Variants in SLC4A4 observed in about 807,000 individuals in gnomAD.
SLC4A4 encodes solute carrier family 4 member 4, also known as electrogenic sodium bicarbonate cotransporter 1.
In SLC4A4, 27 loss-of-function variants were observed where a neutral mutation model predicts 111.5. The observed-to-expected ratio is 0.24, with a 90% CI of 0.18 to 0.33. SLC4A4 has a LOEUF of 0.33. Among genes scored for constraint, SLC4A4 ranks in the 10% least tolerant of loss-of-function variants. The pLI is 1.00. For missense variants in SLC4A4, 909 were observed against 1,315.5 expected (o/e 0.69, Z 4.78); for synonymous variants, 443 against 463.4 (o/e 0.96, Z 0.57).
chr4:71,356,066 C>T (rs1730262827), intron 5 of SLC4A4, among the ~76,000 whole-genome samples: 1 of 152,204 alleles, frequency 6.6e-6, no homozygotes. Flanking sequence ...AATGTTTTGT[C>T]CTCAGCCCCA....
intron 6 of SLC4A4, among the ~76,000 whole-genome samples, chr4:71,374,967 C>T (rs970857762): frequency 7.2e-5 from 11 of 152,110 alleles, no homozygotes; most frequent in Admixed American, 3.9e-4. Flanking sequence ...GGAACCTTAG[C>T]GTCAACTTTG....
At chr4:71,341,502 G>A (rs1175552029) in intron 4 of SLC4A4, among the ~76,000 whole-genome samples, 1 of 152,070 alleles carries the variant, frequency 6.6e-6, no homozygotes, top group African/African-American at 2.4e-5. Context: ...CTATAAAGGA[G>A]CAATAAGCCA....
chr4:71,513,082 CT>C (rs2149177993), intron 16 of SLC4A4, among the ~76,000 whole-genome samples: 1 of 152,182 alleles, frequency 6.6e-6, no homozygotes, highest in East Asian at 1.9e-4. Flanking sequence ...CAGCTTTGTT[CT>C]TTTTGCTGCT....
intron 16 of SLC4A4, among the ~76,000 whole-genome samples, chr4:71,512,666 G>C (rs942430074): frequency 6.6e-6 from 1 of 151,578 alleles, no homozygotes; most frequent in Non-Finnish European, 1.5e-5. Flanking sequence ...ATTTTTGTTT[G>C]GTTGCCAATG....
At chr4:71,085,630 C>T (rs1742141231) in intron 1 of SLC4A4, among the ~76,000 whole-genome samples, 1 of 151,994 alleles carries the variant, frequency 6.6e-6, no homozygotes, top group African/African-American at 2.4e-5. Flanking sequence ...ATATGGCTAG[C>T]CAGTTTTTCC....
At chr4:71,179,575 A>C (rs1199527496) in intron 2 of SLC4A4, among the ~76,000 whole-genome samples, 1 of 152,086 alleles carries the variant, frequency 6.6e-6, no homozygotes, top group African/African-American at 2.4e-5. Context: ...ACAGAGAGCC[A>C]AATCATGAGT....
chr4:71,403,042 C>A (rs1352282881), intron 7 of SLC4A4, among the ~76,000 whole-genome samples: 2 of 152,154 alleles, frequency 1.3e-5, no homozygotes, highest in African/African-American at 4.8e-5. Flanking sequence ...AGTTGCATCT[C>A]CGCATTTATT....
At chr4:71,417,184 A>T (rs1434550050) in intron 7 of SLC4A4, among the ~76,000 whole-genome samples, 1 of 152,218 alleles carries the variant, frequency 6.6e-6, no homozygotes, top group African/African-American at 2.4e-5. Flanking sequence ...TACTGAGGAA[A>T]CAAAGTTGAA....
intron 6 of SLC4A4, among the ~76,000 whole-genome samples, chr4:71,386,515 C>G (rs1481590614): frequency 6.6e-6 from 1 of 152,002 alleles, no homozygotes; most frequent in Non-Finnish European, 1.5e-5. Context: ...TGGCTCTTTG[C>G]CCCTTCTTCC....
At chr4:71,260,291 C>T (rs1721759832) in intron 3 of SLC4A4, among the ~76,000 whole-genome samples, 1 of 152,160 alleles carries the variant, frequency 6.6e-6, no homozygotes, top group Admixed American at 6.5e-5. Context: ...CACACCCCTC[C>T]CAACCTGACC....
intron 1 of SLC4A4, among the ~76,000 whole-genome samples, chr4:71,087,451 G>T (rs1270052777): frequency 2.0e-5 from 3 of 151,802 alleles, no homozygotes; most frequent in African/African-American, 4.9e-5. Flanking sequence ...TGCTAGCTTT[G>T]GAATGTGTTT....
intron 16 of SLC4A4, among the ~76,000 whole-genome samples, chr4:71,530,290 C>A (rs1422957863): frequency 2.6e-5 from 4 of 152,020 alleles, no homozygotes; most frequent in African/African-American, 9.7e-5. Context: ...TTATTATGTT[C>A]CAGGCAATAT....
intron 3 of SLC4A4, among the ~76,000 whole-genome samples, chr4:71,334,638 A>G (rs1028326895): frequency 3.9e-5 from 6 of 152,178 alleles, no homozygotes; most frequent in Admixed American, 3.9e-4. Flanking sequence ...TAATCCCCCA[A>G]AATTGATATA....
chr4:71,352,672 G>A (rs578039254), intron 5 of SLC4A4, among the ~76,000 whole-genome samples: 6 of 152,114 alleles, frequency 3.9e-5, no homozygotes, highest in African/African-American at 1.4e-4. Flanking sequence ...GACCTTTCAG[G>A]GTTGTTATGA....
At position 71,090,169 on chromosome 4, in the gene SLC4A4, C is replaced by T. The variant is rs138097360; in HGVS notation, c.-64-2561C>T. On this transcript the variant is annotated intron_variant, in intron 1 of 26. Transcript: ENST00000649996. ...ACTGCTGTGCTAGCAATGAGCGAGG[C>T]TCCGTGGGTGTAGGACCCTCTGGGC... 9.2e-3 allele frequency among the ~76,000 whole-genome samples: 1,391 copies of T among 151,776 alleles called. 40 individuals carry two copies. The highest frequency in any genetic ancestry group is 0.032 in the African/African-American group (1,322 of 41,026).
intron 1 of SLC4A4, among the ~76,000 whole-genome samples, chr4:71,190,394 AC>A (rs1195663460): frequency 5.4e-4 from 61 of 113,198 alleles, no homozygotes; most frequent in African/African-American, 3.2e-3. Flanking sequence ...TTACACACAC[AC>A]ACACACACAC....
At chr4:71,337,243 C>A (rs1160252013) in intron 3 of SLC4A4, among the ~76,000 whole-genome samples, 4 of 152,136 alleles carry the variant, frequency 2.6e-5, no homozygotes, top group African/African-American at 9.7e-5. Flanking sequence ...GTTATTTAAT[C>A]TAAATTGTGG....
rs573262337 is a variant in SLC4A4 at position 71,088,923 on chromosome 4, T to G, written c.-64-3807T>G. Reference sequence around the variant, plus strand: ...TTGAGGAGTATCTTTGTGGCATTCTTTGTATTTCCTGAATTTGAATGTTGA... The same window carrying G: ...TTGAGGAGTATCTTTGTGGCATTCTGTGTATTTCCTGAATTTGAATGTTGA... On this transcript the variant is annotated intron_variant, in intron 1 of 26. Coordinates refer to the SLC4A4 transcript ENST00000649996. Among the ~76,000 whole-genome samples the G allele has an allele frequency of 2.0e-3, 308 of 152,076 alleles. 5 individuals are homozygous for G. Among genetic ancestry groups the G allele is most frequent in the African/African-American group, 7.1e-3 (294 of 41,396 alleles).
At chr4:71,121,273 G>C (rs1246601040) in intron 2 of SLC4A4, among the ~76,000 whole-genome samples, 1 of 151,714 alleles carries the variant, frequency 6.6e-6, no homozygotes, top group Non-Finnish European at 1.5e-5. Flanking sequence ...AATGGGCACT[G>C]CCCCCTGCTC....
Sources: allele counts gnomAD v4.1 joint callset (sites outside exome capture counted in the v4.1 genomes callset), GRCh38; gene constraint gnomAD v4.1.1; transcripts MANE v1.5; gene names NCBI Gene and HGNC (gene_info 2026-07-23, HGNC 2026-07-21).